Variants in TRPM3 observed in about 807,000 individuals in gnomAD.
TRPM3 encodes long transient receptor potential channel 3.
Under a neutral mutation model 181.2 loss-of-function variants are expected in TRPM3, and 77 were observed. The ratio of observed to expected loss-of-function variants is 0.42; its 90% CI spans 0.35 to 0.51. TRPM3 has a LOEUF of 0.51. Among genes scored for constraint, TRPM3 ranks in the 20% least tolerant of loss-of-function variants. TRPM3 has a pLI of 0.01. For missense variants in TRPM3, 1,759 were observed against 2,196.7 expected (o/e 0.80, Z 3.98); for synonymous variants, 745 against 796.4 (o/e 0.94, Z 1.09).
chr9:70,630,812 CT>C (rs1214675785), intron 12 of TRPM3, among the ~76,000 whole-genome samples: 1 of 152,154 alleles, frequency 6.6e-6, no homozygotes, highest in African/African-American at 2.4e-5. Flanking sequence ...AAAATGTTGT[CT>C]TCTTTTTTCA....
At chr9:70,592,362 T>C (rs2058268448) in intron 21 of TRPM3, among the ~76,000 whole-genome samples, 1 of 152,200 alleles carries the variant, frequency 6.6e-6, no homozygotes, top group Non-Finnish European at 1.5e-5. Flanking sequence ...AGAAGTTCCT[T>C]GTGTCTCTGT....
At chr9:70,787,453 T>C (rs73453891) in intron 6 of TRPM3, among the ~76,000 whole-genome samples, 1,557 of 152,286 alleles carry the variant, frequency 0.01, 29 homozygotes, top group African/African-American at 0.035. Flanking sequence ...ATTTCTTAGT[T>C]ATGAGAGGTA....
At chr9:70,958,336 A>C (rs1183213298) in intron 1 of TRPM3, among the ~76,000 whole-genome samples, 3 of 109,176 alleles carry the variant, frequency 2.7e-5, no homozygotes, top group Non-Finnish European at 4.2e-5. Context: ...CTATGCTCAC[A>C]GTATTTTTAA....
At chr9:71,058,958 A>ATTG (rs1353449119) in intron 1 of TRPM3, among the ~76,000 whole-genome samples, 2 of 137,570 alleles carry the variant, frequency 1.5e-5, no homozygotes, top group African/African-American at 5.4e-5. Flanking sequence ...CCATTCATGA[A>ATTG]TTGTTCTTTG....
intron 1 of TRPM3, among the ~76,000 whole-genome samples, chr9:71,023,619 G>A (rs1289206985): frequency 6.6e-6 from 1 of 151,664 alleles, no homozygotes; most frequent in Non-Finnish European, 1.5e-5. Context: ...AGCCAACTGT[G>A]GAATACTACT....
chr9:70,659,781 T>G (rs1184990302), intron 9 of TRPM3, among the ~76,000 whole-genome samples: 7 of 152,202 alleles, frequency 4.6e-5, no homozygotes, highest in Non-Finnish European at 1.5e-5. Context: ...TTTTCTTAAT[T>G]TGGAGTCACA....
At chr9:71,091,877 T>C (rs2066283794) in intron 1 of TRPM3, among the ~76,000 whole-genome samples, 1 of 152,106 alleles carries the variant, frequency 6.6e-6, no homozygotes, top group South Asian at 2.1e-4. Flanking sequence ...GATTAAGGTA[T>C]ATAGGAGAAT....
chr9:71,147,890 T>C (rs1007101967), intron 1 of TRPM3, among the ~76,000 whole-genome samples: 1 of 152,148 alleles, frequency 6.6e-6, no homozygotes, highest in Non-Finnish European at 1.5e-5. Context: ...CTGACCAACA[T>C]TTCTTTTTCC....
At chr9:70,605,914 C>A (rs568151478) in intron 19 of TRPM3, among the ~76,000 whole-genome samples, 1 of 152,206 alleles carries the variant, frequency 6.6e-6, no homozygotes, top group Non-Finnish European at 1.5e-5. Context: ...CATGCACATT[C>A]TTCCAGAACC....
intron 1 of TRPM3, among the ~76,000 whole-genome samples, chr9:71,355,817 CA>C (rs1446886115): frequency 6.8e-6 from 1 of 147,304 alleles, no homozygotes; most frequent in Non-Finnish European, 1.5e-5. Context: ...AGATTTTCAC[CA>C]CAGTAAAACA....
chr9:70,613,623 C>T (rs370381134), intron 18 of TRPM3, among the ~76,000 whole-genome samples: 2 of 152,206 alleles, frequency 1.3e-5, no homozygotes, highest in Non-Finnish European at 2.9e-5. Context: ...CAACTGCTGT[C>T]CAGCCCTGAG....
chr9:70,840,637 G>A (rs1190479370), intron 5 of TRPM3, among the ~76,000 whole-genome samples: 1 of 152,132 alleles, frequency 6.6e-6, no homozygotes, highest in East Asian at 1.9e-4. Flanking sequence ...AAAATGAGGA[G>A]TGAAGGGAGA....
intron 1 of TRPM3, chr9:70,868,951 T>C (rs970086294): frequency 2.9e-5 from 28 of 977,794 alleles, no homozygotes; most frequent in Admixed American, 6.2e-5. Context: ...TATTGAGAAG[T>C]TGAACAAGAG....
At chr9:70,681,996 G>A (rs1161537725) in intron 8 of TRPM3, among the ~76,000 whole-genome samples, 1 of 152,120 alleles carries the variant, frequency 6.6e-6, no homozygotes, top group Non-Finnish European at 1.5e-5. Flanking sequence ...ACCACGTGAG[G>A]ACACAGCTAG....
chr9:70,889,446 G>A (rs750001736), intron 1 of TRPM3, among the ~76,000 whole-genome samples: 53 of 152,058 alleles, frequency 3.5e-4, no homozygotes, highest in Non-Finnish European at 1.5e-4. Context: ...TACCTCTGTC[G>A]GCCACTAGAC....
rs1203841992 is a variant in TRPM3, at chr9:70,535,596, C to G, written c.*357G>C. 2.7e-6 allele frequency: 4 copies of G among 1,496,900 alleles called. No homozygotes were observed. The African/African-American group carries it at 5.6e-5, about 21-fold the overall frequency. 92.7% of individuals were successfully genotyped at this position (1,496,900 alleles called of 1,614,324 possible). On this transcript the variant is annotated 3_prime_UTR_variant, in exon 26 of 26. Transcript: ENST00000677713. ...ACTCTTGATAATGGTCAGAAATCAA[C>G]AGATGCCTCCTGGCATGGAGCGTGC...
intron 1 of TRPM3, among the ~76,000 whole-genome samples, chr9:71,169,530 G>A (rs868722888): frequency 5.3e-5 from 8 of 152,284 alleles, no homozygotes; most frequent in South Asian, 2.1e-4. Context: ...AACATATTTC[G>A]AGGCAGGTGC....
chr9:71,289,476 G>T (rs967273208), intron 1 of TRPM3, among the ~76,000 whole-genome samples: 2 of 152,128 alleles, frequency 1.3e-5, no homozygotes, highest in African/African-American at 4.8e-5. Context: ...GCACTGAGGA[G>T]CAAGGAGATA....
intron 1 of TRPM3, among the ~76,000 whole-genome samples, chr9:71,086,285 A>C (rs930428134): frequency 6.6e-6 from 1 of 151,940 alleles, no homozygotes; most frequent in Non-Finnish European, 1.5e-5. Context: ...TATTAGTATC[A>C]CAAACCTCAG....
Sources: allele counts gnomAD v4.1 joint callset (sites outside exome capture counted in the v4.1 genomes callset), GRCh38; gene constraint gnomAD v4.1.1; transcripts MANE v1.5; gene names NCBI Gene and HGNC (gene_info 2026-07-23, HGNC 2026-07-21).